BMP7: variants seen among roughly 807,000 people sequenced by gnomAD.
The protein encoded by BMP7 is bone morphogenetic protein 7, also known as osteogenic protein 1.
BMP7 carries 12 observed loss-of-function variants against 41.2 expected under a neutral mutation model. The ratio of observed to expected loss-of-function variants is 0.29; its 90% CI spans 0.19 to 0.47. The LOEUF (loss-of-function observed/expected upper bound fraction) is 0.47, where lower values mean the gene tolerates loss of function less well. Among genes scored for constraint, BMP7 ranks in the 20% least tolerant of loss-of-function variants. BMP7 has a pLI of 0.99. For synonymous variants in BMP7, 248 were observed against 250.0 expected, an observed-to-expected ratio of 0.99 and a Z score of 0.07; for missense variants, 467 against 606.0, an observed-to-expected ratio of 0.77 and a Z score of 2.41.
At chr20:57,226,940 C>T (rs1229430666) in intron 2 of BMP7, among the ~76,000 whole-genome samples, 1 of 151,580 alleles carries the variant, frequency 6.6e-6, no homozygotes, top group South Asian at 2.1e-4. Flanking sequence ...AATTCTCCTG[C>T]CTCAGCCTCC....
intron 2 of BMP7, among the ~76,000 whole-genome samples, chr20:57,218,833 C>T (rs1428857363): frequency 2.3e-4 from 28 of 120,086 alleles, no homozygotes; most frequent in African/African-American, 7.9e-4. Flanking sequence ...GGTGTGTGTT[C>T]GGTGGTAGCT....
In BMP7 at chr20:57,181,588, C is replaced by G. The variant is rs78120002; in HGVS notation, c.958+2134G>C. Among the ~76,000 whole-genome samples, 40 of 152,224 alleles carry G rather than the reference C, an allele frequency of 2.6e-4. No individual in the cohort carries two copies. The East Asian group carries it at 6.6e-3, about 25-fold the overall frequency. The stretch of plus-strand genomic sequence containing the variant: ...CCTATCGCTGCTTTAACAAATTAAC[C>G]AAGCAAATTATCAAAACAATACAAG... On this transcript the variant is annotated intron_variant, in intron 4 of 6. Transcript: ENST00000395863.
chr20:57,239,978 C>G (rs2066062898), intron 1 of BMP7, among the ~76,000 whole-genome samples: 1 of 152,242 alleles, frequency 6.6e-6, no homozygotes, highest in Non-Finnish European at 1.5e-5. Context: ...ATGAAGGTCT[C>G]TGACATGGCC....
intron 2 of BMP7, among the ~76,000 whole-genome samples, chr20:57,223,120 C>T (rs751198878): frequency 1.4e-4 from 22 of 151,950 alleles, no homozygotes; most frequent in Non-Finnish European, 3.1e-4. Context: ...ATCCCAGCTA[C>T]TTGGGAGGCT....
intron 3 of BMP7, among the ~76,000 whole-genome samples, chr20:57,186,179 C>T (rs764604723): frequency 2.0e-5 from 3 of 152,200 alleles, no homozygotes; most frequent in African/African-American, 2.4e-5. Context: ...TACAGCCTGA[C>T]AAGCAATGTG....
chr20:57,195,154 CG>C (rs1271265002), intron 3 of BMP7, among the ~76,000 whole-genome samples: 1 of 152,156 alleles, frequency 6.6e-6, no homozygotes, highest in Non-Finnish European at 1.5e-5. Context: ...GCGAACTCTG[CG>C]GAAAGACCCT....
chr20:57,192,387 G>T (rs1010671483), intron 3 of BMP7, among the ~76,000 whole-genome samples: 1 of 148,218 alleles, frequency 6.7e-6, no homozygotes, highest in Non-Finnish European at 1.5e-5. Flanking sequence ...GTAGGTGCTC[G>T]TGTACAGATG....
At chr20:57,264,549 C>T (rs2039851278) in intron 1 of BMP7, among the ~76,000 whole-genome samples, 1 of 152,212 alleles carries the variant, frequency 6.6e-6, no homozygotes, top group Non-Finnish European at 1.5e-5. Context: ...CTCGCTGCAG[C>T]CCCAGGCTCG....
intron 1 of BMP7, among the ~76,000 whole-genome samples, chr20:57,256,021 G>C (rs1007595690): frequency 6.6e-6 from 1 of 152,052 alleles, no homozygotes; most frequent in Non-Finnish European, 1.5e-5. Flanking sequence ...GCTTGCCTTT[G>C]CTGAAAGACA....
rs772868280 is a variant in BMP7 at position 57,228,472 on chromosome 20, G to T, written c.419-51C>A. The T allele has an allele frequency of 4.4e-6, 7 of 1,595,358 alleles. No homozygotes were observed. In the East Asian group the frequency reaches 1.6e-4, roughly 36 times the overall value. On this transcript the variant is annotated intron_variant, in intron 1 of 6. Coordinates refer to ENST00000395863, the MANE Select transcript of BMP7 (RefSeq NM_001719.3). This position sits in a 1 kb window ranked among gnomAD's most constrained non-coding sequence, Gnocchi z 4.5. ...AACACCGACAGCTCATTAGTGTCTG[G>T]GTTTCACTCTCTGGCTCTGAGTCCA...
At chr20:57,201,040 T>C (rs1984607891) in intron 3 of BMP7, among the ~76,000 whole-genome samples, 1 of 152,206 alleles carries the variant, frequency 6.6e-6, no homozygotes. Context: ...CTAAGCCTCA[T>C]TACTCAAAGC....
chr20:57,242,678 T>C (rs1381404965), intron 1 of BMP7, among the ~76,000 whole-genome samples: 1 of 152,208 alleles, frequency 6.6e-6, no homozygotes, highest in Non-Finnish European at 1.5e-5. Flanking sequence ...GAGATCTGAA[T>C]GTTTAATTGT....
At chr20:57,264,746 C>T (rs1235705320) in intron 1 of BMP7, among the ~76,000 whole-genome samples, 1 of 151,756 alleles carries the variant, frequency 6.6e-6, no homozygotes, top group Admixed American at 6.5e-5. Flanking sequence ...AGAAGACTAG[C>T]GGCAGGGCAC....
intron 1 of BMP7, among the ~76,000 whole-genome samples, chr20:57,242,634 G>T (rs1417562033): frequency 1.3e-5 from 2 of 152,188 alleles, no homozygotes; most frequent in African/African-American, 4.8e-5. Flanking sequence ...GACACGTGGG[G>T]CTACTGAGCA....
At chr20:57,207,206 C>T (rs1459851501) in intron 2 of BMP7, among the ~76,000 whole-genome samples, 1 of 152,086 alleles carries the variant, frequency 6.6e-6, no homozygotes, top group African/African-American at 2.4e-5. Flanking sequence ...GCCACTGAAT[C>T]GAGAAATCTG....
At chr20:57,230,324 A>C (rs1424597824) in intron 1 of BMP7, among the ~76,000 whole-genome samples, 1 of 152,138 alleles carries the variant, frequency 6.6e-6, no homozygotes, top group African/African-American at 2.4e-5. Context: ...AAGGGCAGCC[A>C]CTTGGGAACC....
At chr20:57,251,807 G>A (rs1480077227) in intron 1 of BMP7, among the ~76,000 whole-genome samples, 2 of 152,170 alleles carry the variant, frequency 1.3e-5, no homozygotes, top group Non-Finnish European at 1.5e-5. Context: ...GGTGATGCAC[G>A]CCTGTAATCC....
At chr20:57,238,312 T>A (rs2066055334) in intron 1 of BMP7, among the ~76,000 whole-genome samples, 1 of 152,238 alleles carries the variant, frequency 6.6e-6, no homozygotes, top group Admixed American at 6.5e-5. Flanking sequence ...TAAGGCTGAA[T>A]AATATTCCAC....
chr20:57,185,911 T>C (rs1017018089), intron 3 of BMP7, among the ~76,000 whole-genome samples: 4 of 151,556 alleles, frequency 2.6e-5, no homozygotes, highest in Non-Finnish European at 5.9e-5. Flanking sequence ...TTGCATACCC[T>C]AAGTGCTCAA....
Sources: gnomAD v4.1 joint callset for allele counts (sites outside exome capture counted in the v4.1 genomes callset) on GRCh38, gnomAD v4.1.1 for gene constraint, Gnocchi (gnomAD v3.1) non-coding constraint, MANE v1.5 for transcripts, NCBI Gene and HGNC (gene_info 2026-07-23, HGNC 2026-07-21) for gene names.